CCNY: variants seen among roughly 807,000 people sequenced by gnomAD.
CCNY encodes the protein cyclin-Y.
A neutral mutation model predicts 42.8 loss-of-function variants in CCNY; 19 were observed. The ratio of observed to expected loss-of-function variants is 0.44; its 90% CI spans 0.31 to 0.65. CCNY has a LOEUF of 0.65. Among genes scored for constraint, CCNY ranks in the 30% least tolerant of loss-of-function variants. CCNY has a pLI of 0.07. For missense variants in CCNY, 370 were observed against 437.3 expected, an observed-to-expected ratio of 0.85 and a Z score of 1.37; for synonymous variants, 165 against 162.7, an observed-to-expected ratio of 1.01 and a Z score of -0.11.
At chr10:35,505,133 AG>A (rs1564438200) in intron 3 of CCNY, among the ~76,000 whole-genome samples, 1 of 151,242 alleles carries the variant, frequency 6.6e-6, no homozygotes, top group Non-Finnish European at 1.5e-5. Context: ...AGGTGGTTGG[AG>A]TTAAGAATCA....
intron 1 of CCNY, among the ~76,000 whole-genome samples, chr10:35,397,741 C>A (rs1837555603): frequency 6.6e-6 from 1 of 152,148 alleles, no homozygotes; most frequent in South Asian, 2.1e-4. Context: ...AATTATGGAG[C>A]TCTATCAGAA....
chr10:35,264,298 A>G (rs936826228), intron 3 of CCNY, among the ~76,000 whole-genome samples: 27 of 152,288 alleles, frequency 1.8e-4, no homozygotes, highest in African/African-American at 6.0e-4. Flanking sequence ...CAGGTTTGTT[A>G]CATATGTATA....
At chr10:35,436,133 C>T (rs1214922239) in intron 1 of CCNY, among the ~76,000 whole-genome samples, 1 of 152,028 alleles carries the variant, frequency 6.6e-6, no homozygotes, top group African/African-American at 2.4e-5. Context: ...GGAAGTGTGA[C>T]ATGGGGACTG....
At chr10:35,542,649 G>A (rs558511671) in intron 7 of CCNY, among the ~76,000 whole-genome samples, 4 of 152,302 alleles carry the variant, frequency 2.6e-5, no homozygotes, top group African/African-American at 9.6e-5. Flanking sequence ...ATTGCAGCAC[G>A]GCTGTCCGAT....
At chr10:35,496,623 AG>A in intron 2 of CCNY, among the ~76,000 whole-genome samples, 1 of 152,308 alleles carries the variant, frequency 6.6e-6, no homozygotes. Flanking sequence ...GCTTGAGCTC[AG>A]GAGTTCAATA....
At chr10:35,292,789 T>G (rs962609363) in intron 3 of CCNY, among the ~76,000 whole-genome samples, 5 of 147,374 alleles carry the variant, frequency 3.4e-5, no homozygotes, top group Non-Finnish European at 6.1e-5. Context: ...TTGTTTTTTT[T>G]TTTTTTTTTT....
At chr10:35,485,249 T>A (rs944805151) in intron 2 of CCNY, among the ~76,000 whole-genome samples, 1 of 152,190 alleles carries the variant, frequency 6.6e-6, no homozygotes, top group Non-Finnish European at 1.5e-5. Flanking sequence ...AGCAGTAGAG[T>A]GACCTAAGGA....
intron 1 of CCNY, among the ~76,000 whole-genome samples, chr10:35,337,457 GGT>G: frequency 6.6e-6 from 1 of 152,310 alleles, no homozygotes; most frequent in East Asian, 1.9e-4. Flanking sequence ...GCCTAGGGCG[GGT>G]GTGTGCGCGT....
At chr10:35,452,292 A>G (rs1021707603) in intron 1 of CCNY, among the ~76,000 whole-genome samples, 4 of 152,228 alleles carry the variant, frequency 2.6e-5, no homozygotes, top group South Asian at 4.1e-4. Context: ...AGTTTGTTCT[A>G]TAACTAAGAC....
chr10:35,476,000 T>G (rs1244200114), intron 1 of CCNY, among the ~76,000 whole-genome samples: 1 of 152,104 alleles, frequency 6.6e-6, no homozygotes, highest in Non-Finnish European at 1.5e-5. Flanking sequence ...TAGTCTCTGA[T>G]AAAACAGACT....
At position 35,566,119 on chromosome 10, in the gene CCNY, G is replaced by A. The variant is rs1471953663; in HGVS notation, c.843G>A (p.Leu281=). ...YAKYYFDLRS[L]AEANNLSFPL... ...AGTATTATTTTGATCTTCGTTCTCT[G>A]GCAGAAGCGAACAACCTGAGCTTTC... Residue 281 remains leucine, a synonymous_variant, in exon 9 of 10, where the codon CTG becomes CTA. Coordinates refer to ENST00000374704, the MANE Select transcript of CCNY (RefSeq NM_145012.6). The A allele has an allele frequency of 4.2e-5, 67 of 1,614,082 alleles. No individual in the cohort carries two copies. The highest frequency in any genetic ancestry group is 5.4e-5 in the Non-Finnish European group (64 of 1,180,046).
At chr10:35,318,668 T>C (rs2012429687) in intron 3 of CCNY, among the ~76,000 whole-genome samples, 1 of 152,160 alleles carries the variant, frequency 6.6e-6, no homozygotes, top group African/African-American at 2.4e-5. Flanking sequence ...GGGCTTTTTT[T>C]TGTTTCTATG....
chr10:35,433,163 A>G (rs947479922), intron 1 of CCNY, among the ~76,000 whole-genome samples: 3 of 152,172 alleles, frequency 2.0e-5, no homozygotes, highest in Non-Finnish European at 2.9e-5. Flanking sequence ...TGGGCAACAT[A>G]GTGAGATCCC....
intron 2 of CCNY, among the ~76,000 whole-genome samples, chr10:35,499,431 C>T (rs1840066590): frequency 6.6e-6 from 1 of 152,162 alleles, no homozygotes; most frequent in African/African-American, 2.4e-5. Flanking sequence ...CACCAGGTCC[C>T]TCCCACAACA....
At chr10:35,474,309 C>T (rs1229663023) in intron 1 of CCNY, among the ~76,000 whole-genome samples, 1 of 152,232 alleles carries the variant, frequency 6.6e-6, no homozygotes, top group Non-Finnish European at 1.5e-5. Flanking sequence ...CTCAAGGAGG[C>T]CTGCGTGCCT....
rs560789058 is a variant in CCNY at position 35,347,769 on chromosome 10, G to A, written c.154+10562G>A. On this transcript the variant is annotated intron_variant, in intron 1 of 9. Transcript: ENST00000374704. The stretch of plus-strand genomic sequence containing the variant: ...ATTATATGATCTTAGGATTTTAATT[G>A]ACTTTCAGGATTTTATTGGATACAT... 1.5e-4 allele frequency among the ~76,000 whole-genome samples: 23 copies of A among 152,194 alleles called. 1 individual carries two copies. The highest frequency in any genetic ancestry group is 8.5e-4 in the Admixed American group (13 of 15,286).
chr10:35,367,156 A>G (rs1464436268), intron 1 of CCNY, among the ~76,000 whole-genome samples: 1 of 152,096 alleles, frequency 6.6e-6, no homozygotes, highest in African/African-American at 2.4e-5. Flanking sequence ...TGCTTTTTTT[A>G]CATAAATTTT....
chr10:35,490,593 G>T (rs2135377556), intron 2 of CCNY, among the ~76,000 whole-genome samples: 1 of 152,314 alleles, frequency 6.6e-6, no homozygotes, highest in East Asian at 1.9e-4. Context: ...GCCTGAAGAG[G>T]CAGGTCCTGT....
At chr10:35,432,709 C>G (rs1051093228) in intron 1 of CCNY, among the ~76,000 whole-genome samples, 1 of 152,162 alleles carries the variant, frequency 6.6e-6, no homozygotes, top group Admixed American at 6.5e-5. Context: ...AACAAGTTCA[C>G]ATTTTGGGTT....
Sources: allele counts gnomAD v4.1 joint callset (sites outside exome capture counted in the v4.1 genomes callset), GRCh38; gene constraint gnomAD v4.1.1; transcripts MANE v1.5; gene names NCBI Gene and HGNC (gene_info 2026-07-23, HGNC 2026-07-21).